Variants in CDH8 observed in about 807,000 individuals in gnomAD.
CDH8 encodes the protein cadherin-8.
Under a neutral mutation model 68.1 loss-of-function variants are expected in CDH8, and 17 were observed. The observed-to-expected ratio is 0.25, with a 90% CI of 0.17 to 0.37. The LOEUF is 0.37. CDH8 is among the 10% of genes least tolerant of loss of function. The pLI is 1.00. For synonymous variants in CDH8, 372 were observed against 365.1 expected (o/e 1.02, Z -0.21); for missense variants, 763 against 999.3 (o/e 0.76, Z 3.19).
chr16:61,815,046 C>A (rs897964066), intron 7 of CDH8, among the ~76,000 whole-genome samples: 15 of 152,316 alleles, frequency 9.8e-5, no homozygotes, highest in African/African-American at 3.6e-4. Flanking sequence ...TTTGAAACAG[C>A]ATTTGTCCCT....
At chr16:61,882,398 C>A (rs940316611) in intron 3 of CDH8, among the ~76,000 whole-genome samples, 2 of 152,150 alleles carry the variant, frequency 1.3e-5, no homozygotes, top group African/African-American at 4.8e-5. Flanking sequence ...TTGCAGATAT[C>A]CCTCTTTTAG....
At chr16:61,734,236 T>C (rs1959613527) in intron 8 of CDH8, among the ~76,000 whole-genome samples, 1 of 152,082 alleles carries the variant, frequency 6.6e-6, no homozygotes, top group South Asian at 2.1e-4. Context: ...TTAAAGAGGA[T>C]GGACTTTGAA....
chr16:61,903,822 C>A (rs1274618123), intron 2 of CDH8, among the ~76,000 whole-genome samples: 4 of 152,044 alleles, frequency 2.6e-5, no homozygotes, highest in African/African-American at 9.7e-5. Flanking sequence ...ATTAAGTGAC[C>A]ATTTTTACTT....
chr16:61,813,805 A>T (rs114382275), intron 7 of CDH8, among the ~76,000 whole-genome samples: 1 of 152,160 alleles, frequency 6.6e-6, no homozygotes, highest in African/African-American at 2.4e-5. Context: ...CCACATATAT[A>T]TACTAGAAGT....
In CDH8 at chr16:61,868,524, C is replaced by T. The variant is rs1963297369; in HGVS notation, c.548-11286G>A. 2.6e-5 allele frequency among the ~76,000 whole-genome samples: 4 copies of T among 152,062 alleles called. No homozygotes were observed. In the South Asian group the frequency reaches 8.3e-4, roughly 32 times the overall value. ...ATGACCTTGTCTTCTTAGAGTTGAACCCAGTCCCAACATAAGCCAGAATTA... is the reference window on the plus strand; with the variant it reads ...ATGACCTTGTCTTCTTAGAGTTGAATCCAGTCCCAACATAAGCCAGAATTA... On this transcript the variant is annotated intron_variant, in intron 3 of 11. Coordinates refer to ENST00000577390, the MANE Select transcript of CDH8 (RefSeq NM_001796.5).
At chr16:62,032,613 T>C (rs11075449) in intron 1 of CDH8, among the ~76,000 whole-genome samples, 75,291 of 152,022 alleles carry the variant, frequency 0.5, 19,745 homozygotes, top group African/African-American at 0.67. Context: ...CAGAATATTT[T>C]CAAAAAGAAG....
intron 8 of CDH8, 101 bp from the exon 9 acceptor site, chr16:61,727,316 T>C: frequency 1.7e-6 from 2 of 1,208,504 alleles, no homozygotes; most frequent in Non-Finnish European, 2.3e-6. Flanking sequence ...CAACTTCCCT[T>C]AATTAGGATG....
intron 3 of CDH8, among the ~76,000 whole-genome samples, chr16:61,887,538 T>C (rs1963697125): frequency 6.6e-6 from 1 of 152,200 alleles, no homozygotes; most frequent in South Asian, 2.1e-4. Context: ...CTTGTTCATC[T>C]GCGCACTTGT....
chr16:61,986,239 T>C (rs932685207), intron 2 of CDH8, among the ~76,000 whole-genome samples: 2 of 152,086 alleles, frequency 1.3e-5, no homozygotes, highest in African/African-American at 4.8e-5. Context: ...TCTGTATTCC[T>C]TAATATGACT....
At chr16:61,906,491 T>C (rs551758888) in intron 2 of CDH8, among the ~76,000 whole-genome samples, 14 of 152,316 alleles carry the variant, frequency 9.2e-5, no homozygotes, top group Middle Eastern at 6.8e-3. Flanking sequence ...CTAACAGGAC[T>C]GCTACATAAT....
At chr16:61,715,186 G>T (rs1315304540) in intron 9 of CDH8, among the ~76,000 whole-genome samples, 1 of 151,314 alleles carries the variant, frequency 6.6e-6, no homozygotes, top group Non-Finnish European at 1.5e-5. Context: ...TTTTGTTAAG[G>T]ACCTTTTTGT....
chr16:61,910,741 A>T (rs528930304), intron 2 of CDH8, among the ~76,000 whole-genome samples: 21 of 152,316 alleles, frequency 1.4e-4, no homozygotes, highest in African/African-American at 4.8e-4. Flanking sequence ...GATTAAATTT[A>T]GGAAATATAA....
intron 4 of CDH8, among the ~76,000 whole-genome samples, chr16:61,837,831 T>C (rs921761725): frequency 1.3e-5 from 2 of 152,024 alleles, no homozygotes; most frequent in African/African-American, 4.8e-5. Context: ...GGTGTGATTA[T>C]GCCCCAAGAT....
intron 10 of CDH8, among the ~76,000 whole-genome samples, chr16:61,658,938 T>C (rs953633500): frequency 2.0e-5 from 3 of 152,184 alleles, no homozygotes; most frequent in African/African-American, 7.2e-5. Flanking sequence ...TTGTTAGATT[T>C]ATTTTTGCTG....
At chr16:61,874,143 C>T (rs1263187313) in intron 3 of CDH8, among the ~76,000 whole-genome samples, 1 of 152,020 alleles carries the variant, frequency 6.6e-6, no homozygotes, top group Non-Finnish European at 1.5e-5. Flanking sequence ...GAGTTCTCAT[C>T]TCATGTACCC....
chr16:61,800,449 T>C (rs11861391), intron 7 of CDH8, among the ~76,000 whole-genome samples: 4,753 of 152,312 alleles, frequency 0.031, 243 homozygotes, highest in African/African-American at 0.11. Context: ...TCCTCTTCCA[T>C]ACTTGTTCTG....
At chr16:61,659,018 C>T (rs1041003401) in intron 10 of CDH8, among the ~76,000 whole-genome samples, 1 of 152,118 alleles carries the variant, frequency 6.6e-6, no homozygotes, top group South Asian at 2.1e-4. Flanking sequence ...ATATTTTCAA[C>T]TCACTGCTGC....
intron 10 of CDH8, among the ~76,000 whole-genome samples, chr16:61,703,012 T>C (rs866067807): frequency 5.9e-5 from 9 of 152,324 alleles, no homozygotes; most frequent in Middle Eastern, 6.8e-3. Flanking sequence ...TTTCTTGCAA[T>C]TTGATATATA....
chr16:61,891,355 T>A (rs1042410741), intron 3 of CDH8, among the ~76,000 whole-genome samples: 1 of 143,742 alleles, frequency 7.0e-6, no homozygotes, highest in African/African-American at 2.7e-5. Flanking sequence ...CATATTGTCA[T>A]CATTGTTTGC....
Sources: allele counts gnomAD v4.1 joint callset (sites outside exome capture counted in the v4.1 genomes callset), GRCh38; gene constraint gnomAD v4.1.1; transcripts MANE v1.5; gene names NCBI Gene and HGNC (gene_info 2026-07-23, HGNC 2026-07-21).